Variants in SLC5A12 observed in about 807,000 individuals in gnomAD.
The protein encoded by SLC5A12 is sodium-coupled monocarboxylate transporter 2.
A neutral mutation model predicts 72.7 loss-of-function variants in SLC5A12; 46 were observed. The observed-to-expected ratio is 0.63, with a 90% confidence interval of 0.50 to 0.81. The LOEUF is 0.81. Ranked by LOEUF, SLC5A12 falls within the 30% of genes least tolerant of loss-of-function variation. SLC5A12 has a pLI of 0.00. For synonymous variants in SLC5A12, 275 were observed against 264.4 expected (o/e 1.04, Z -0.39); for missense variants, 683 against 740.7 (o/e 0.92, Z 0.90).
chr11:26,711,835 A>G (rs1855236987), intron 2 of SLC5A12, among the ~76,000 whole-genome samples: 1 of 152,084 alleles, frequency 6.6e-6, no homozygotes, highest in Non-Finnish European at 1.5e-5. Flanking sequence ...GACTAACAAC[A>G]TGGTTGATCT....
chr11:26,704,274 G>A (rs1431063578), intron 4 of SLC5A12, among the ~76,000 whole-genome samples: 1 of 152,128 alleles, frequency 6.6e-6, no homozygotes, highest in African/African-American at 2.4e-5. Context: ...CCCTGACCTG[G>A]TCTTGAGGAA....
At chr11:26,689,269 G>A (rs1854609578) in intron 9 of SLC5A12, among the ~76,000 whole-genome samples, 1 of 152,016 alleles carries the variant, frequency 6.6e-6, no homozygotes, top group South Asian at 2.1e-4. Context: ...GTCGTGGCAT[G>A]CGCCTGTAGT....
intron 13 of SLC5A12, among the ~76,000 whole-genome samples, chr11:26,674,226 A>G (rs966141458): frequency 1.3e-5 from 2 of 151,366 alleles, no homozygotes; most frequent in East Asian, 3.9e-4. Context: ...ACCCAATATC[A>G]TTCAAGGATA....
At chr11:26,704,068 A>T in intron 4 of SLC5A12, 121 bp from the exon 5 acceptor site, 1 of 1,032,862 alleles carries the variant, frequency 9.7e-7, no homozygotes, top group Non-Finnish European at 1.4e-6. Flanking sequence ...GCCACTGAGG[A>T]TCTTTTATGT....
chr11:26,714,531 C>A (rs1157449600), intron 1 of SLC5A12, among the ~76,000 whole-genome samples: 1 of 152,084 alleles, frequency 6.6e-6, no homozygotes, highest in Non-Finnish European at 1.5e-5. Flanking sequence ...TTCTAGAAGA[C>A]ATTAATATAT....
rs147231846 is a variant in SLC5A12 at position 26,705,896 on chromosome 11, C to T, written c.526-1949G>A. Among the ~76,000 whole-genome samples, 141 of 151,104 alleles carry T rather than the reference C, an allele frequency of 9.3e-4. 1 individual carries two copies. The Middle Eastern group carries it at 0.017, about 18-fold the overall frequency. On this transcript the variant is annotated intron_variant, in intron 4 of 14. Coordinates refer to ENST00000396005, the MANE Select transcript of SLC5A12 (RefSeq NM_178498.4). ...TGAAGACCTGTCTGACTCCTTCATACAGCGAGTCCTCACCTCTTTTCTCTG... is the reference window on the plus strand; with the variant it reads ...TGAAGACCTGTCTGACTCCTTCATATAGCGAGTCCTCACCTCTTTTCTCTG...
At chr11:26,688,471 T>C (rs1174368396) in intron 9 of SLC5A12, among the ~76,000 whole-genome samples, 1 of 152,160 alleles carries the variant, frequency 6.6e-6, no homozygotes, top group Non-Finnish European at 1.5e-5. Flanking sequence ...TTAGCAAACA[T>C]GTGGTCAACA....
At chr11:26,719,186 G>A (rs149813424) in intron 1 of SLC5A12, among the ~76,000 whole-genome samples, 101 of 152,268 alleles carry the variant, frequency 6.6e-4, no homozygotes, top group African/African-American at 2.4e-3. Context: ...TTTTAAGACA[G>A]TGTTTTTATT....
At chr11:26,696,500 G>A (rs1590724980) in intron 8 of SLC5A12, among the ~76,000 whole-genome samples, 1 of 152,156 alleles carries the variant, frequency 6.6e-6, no homozygotes, top group South Asian at 2.1e-4. Context: ...TTTCATCATT[G>A]TGCAAACATC....
chr11:26,714,953 C>T (rs748673331), intron 1 of SLC5A12, among the ~76,000 whole-genome samples: 3 of 152,048 alleles, frequency 2.0e-5, no homozygotes, highest in Admixed American at 6.6e-5. Flanking sequence ...GGGCATCAGA[C>T]ATAAGGAAAA....
chr11:26,670,928 G>A lies in SLC5A12; in HGVS notation c.*174C>T, dbSNP rs557590498. 3.8e-6 allele frequency: 2 copies of A among 520,100 alleles called. No individual in the cohort carries two copies. Among genetic ancestry groups the A allele is most frequent in the East Asian group, 3.6e-5 (1 of 27,892 alleles). The allele number at this position is 520,100 out of a possible 1,614,324, so 32.2% of individuals were successfully genotyped here. A position where few individuals can be genotyped will look rare whatever the true frequency, so the allele number is the denominator to read the frequency against. ...GTTGGAGTCTTTCAAAGAATATCCC[G>A]AGAGACAGTCATTTTGCATGTAGTT... On this transcript the variant is annotated 3_prime_UTR_variant, in exon 15 of 15. Coordinates refer to ENST00000396005, the MANE Select transcript of SLC5A12 (RefSeq NM_178498.4).
chr11:26,680,335 A>G (rs1159676702), intron 12 of SLC5A12, among the ~76,000 whole-genome samples: 1 of 138,356 alleles, frequency 7.2e-6, no homozygotes, highest in Non-Finnish European at 1.5e-5. Flanking sequence ...ATTCATATAT[A>G]TATGTATATA....
At position 26,668,340 on chromosome 11, in the gene SLC5A12, C is replaced by T. The variant is rs898846059; in HGVS notation, c.*2762G>A. On this transcript the variant is annotated 3_prime_UTR_variant, in exon 15 of 15. Coordinates refer to ENST00000396005, the MANE Select transcript of SLC5A12 (RefSeq NM_178498.4). ...ACAGTGGTGAGTATCAAGTTTGGAA[C>T]ATTTTAGGCCCCTCTAAAACTCATC... The T allele has an allele frequency of 4.6e-5, 7 of 151,998 alleles. No individual in the cohort carries two copies. Among genetic ancestry groups the T allele is most frequent in the East Asian group, 3.9e-4 (2 of 5,182 alleles). The allele number at this position is 151,998 out of a possible 1,614,324, so 9.4% of individuals were successfully genotyped here.
At chr11:26,682,113 C>A (rs1321892951) in intron 11 of SLC5A12, among the ~76,000 whole-genome samples, 2 of 151,696 alleles carry the variant, frequency 1.3e-5, no homozygotes, top group South Asian at 4.1e-4. Flanking sequence ...ACTCAGTTCT[C>A]TTATGGCATG....
intron 10 of SLC5A12, 26 bp from the exon 11 acceptor site, chr11:26,683,869 A>C: frequency 1.9e-6 from 3 of 1,560,360 alleles, no homozygotes; most frequent in South Asian, 1.2e-5. Flanking sequence ...AGACCAGATG[A>C]ATCCCCTACT....
chr11:26,718,345 A>T (rs982474506), intron 1 of SLC5A12, among the ~76,000 whole-genome samples: 1 of 152,234 alleles, frequency 6.6e-6, no homozygotes, highest in Non-Finnish European at 1.5e-5. Context: ...ACTATTTTAC[A>T]CATGTGAAAA....
chr11:26,671,047 T>TGTGTGTG lies in SLC5A12; in HGVS notation c.*54_*55insCACACAC. 7.4e-7 allele frequency: 1 copy of TGTGTGTG among 1,354,114 alleles called. No individual in the cohort carries two copies. The highest frequency in any genetic ancestry group is 1.0e-6 in the Non-Finnish European group (1 of 991,516). 83.9% of individuals were successfully genotyped at this position (1,354,114 alleles called of 1,614,324 possible). On this transcript the variant is annotated 3_prime_UTR_variant, in exon 15 of 15. Coordinates refer to ENST00000396005, the MANE Select transcript of SLC5A12 (RefSeq NM_178498.4). ...CAAGTAGGCAAGAAGTATGTGGAGT[T>TGTGTGTG]TGTGTGTGTGTGTGTGTATTGCACG...
At chr11:26,695,824 C>T (rs1218538719) in intron 8 of SLC5A12, among the ~76,000 whole-genome samples, 1 of 152,106 alleles carries the variant, frequency 6.6e-6, no homozygotes, top group African/African-American at 2.4e-5. Flanking sequence ...CTGATCCTTG[C>T]TCACCTCTTC....
At chr11:26,706,344 T>C (rs551664711) in intron 4 of SLC5A12, among the ~76,000 whole-genome samples, 1 of 152,024 alleles carries the variant, frequency 6.6e-6, no homozygotes, top group Non-Finnish European at 1.5e-5. Context: ...ATCAGTAAAG[T>C]TGCATGAAGA....
Sources: gnomAD v4.1 joint callset for allele counts (sites outside exome capture counted in the v4.1 genomes callset) on GRCh38, gnomAD v4.1.1 for gene constraint, MANE v1.5 for transcripts, NCBI Gene and HGNC (gene_info 2026-07-23, HGNC 2026-07-21) for gene names.